Variants in ST8SIA6 observed in about 807,000 individuals in gnomAD.
ST8SIA6 encodes the protein alpha-2,8-sialyltransferase 8F.
Under a neutral mutation model 33.6 loss-of-function variants are expected in ST8SIA6, and 39 were observed. The ratio of observed to expected loss-of-function variants is 1.16; its 90% confidence interval spans 0.90 to 1.52. ST8SIA6 has a LOEUF of 1.52. Among genes scored for constraint, ST8SIA6 ranks in the 40% most tolerant of loss-of-function variants. ST8SIA6 has a pLI of 0.00. For missense variants in ST8SIA6, 441 were observed against 443.8 expected (o/e 0.99, Z 0.06); for synonymous variants, 172 against 167.2 (o/e 1.03, Z -0.22).
intron 2 of ST8SIA6, among the ~76,000 whole-genome samples, chr10:17,436,929 C>T (rs1194537973): frequency 6.6e-6 from 1 of 152,082 alleles, no homozygotes; most frequent in East Asian, 1.9e-4. Flanking sequence ...CCTTTCCAGC[C>T]ACGTGCGACT....
intron 6 of ST8SIA6, among the ~76,000 whole-genome samples, chr10:17,324,945 T>A (rs1228593335): frequency 6.9e-6 from 1 of 145,694 alleles, no homozygotes; most frequent in Non-Finnish European, 1.5e-5. Flanking sequence ...ATATTATACA[T>A]ATATAACACA....
intron 5 of ST8SIA6, among the ~76,000 whole-genome samples, chr10:17,329,052 G>A (rs1848220224): frequency 6.6e-6 from 1 of 152,172 alleles, no homozygotes; most frequent in African/African-American, 2.4e-5. Context: ...GACAGAAGAT[G>A]CCCCAGAATC....
chr10:17,340,510 A>G (rs1050318009), intron 4 of ST8SIA6, among the ~76,000 whole-genome samples: 1 of 152,170 alleles, frequency 6.6e-6, no homozygotes, highest in Non-Finnish European at 1.5e-5. Flanking sequence ...CCAATATGGG[A>G]ATGTCGCAGC....
intron 4 of ST8SIA6, among the ~76,000 whole-genome samples, chr10:17,347,484 T>A (rs1848875660): frequency 6.6e-6 from 1 of 152,162 alleles, no homozygotes; most frequent in Non-Finnish European, 1.5e-5. Flanking sequence ...GTGGTTTTAA[T>A]TCATGCTAAG....
At chr10:17,396,025 T>G (rs945367699) in intron 2 of ST8SIA6, among the ~76,000 whole-genome samples, 4 of 152,190 alleles carry the variant, frequency 2.6e-5, no homozygotes, top group Admixed American at 1.3e-4. Flanking sequence ...CTGCTAGAGC[T>G]CTGTAGTCGG....
rs1440359457 is a variant in ST8SIA6, at chr10:17,319,472, G to A, written c.*1406C>T. ...AGATGTCGAACCAGAAACTTCAGAT[G>A]TGTTAACTTGGAAATGTCTACAATT... is the stretch of plus-strand genomic sequence containing the variant. On this transcript the variant is annotated 3_prime_UTR_variant, in exon 8 of 8. Coordinates refer to ENST00000377602, the MANE Select transcript of ST8SIA6 (RefSeq NM_001004470.3). Among the ~76,000 whole-genome samples the A allele has an allele frequency of 6.6e-6, 1 of 152,100 alleles. No individual in the cohort carries two copies. Among genetic ancestry groups the A allele is most frequent in the Non-Finnish European group, 1.5e-5 (1 of 68,010 alleles).
intron 2 of ST8SIA6, among the ~76,000 whole-genome samples, chr10:17,440,259 T>G (rs1852428174): frequency 6.7e-6 from 1 of 149,488 alleles, no homozygotes; most frequent in Non-Finnish European, 1.5e-5. Context: ...CAGGCTGGAG[T>G]GCAGTGGCAT....
chr10:17,363,389 T>C (rs1849458369), intron 3 of ST8SIA6, among the ~76,000 whole-genome samples: 1 of 152,216 alleles, frequency 6.6e-6, no homozygotes, highest in Admixed American at 6.5e-5. Context: ...GCTCCCTCAA[T>C]AATGATCAAT....
chr10:17,407,773 G>T (rs1851320178), intron 2 of ST8SIA6, among the ~76,000 whole-genome samples: 1 of 152,114 alleles, frequency 6.6e-6, no homozygotes, highest in African/African-American at 2.4e-5. Context: ...GTTCTTAAAA[G>T]TCTCCTGGAT....
chr10:17,333,692 T>TATAG (rs1848383116), intron 4 of ST8SIA6, among the ~76,000 whole-genome samples: 1 of 29,104 alleles, frequency 3.4e-5, no homozygotes, highest in South Asian at 1.1e-3. Flanking sequence ...TATATATATA[T>TATAG]ATATATATAT....
At chr10:17,403,887 C>T (rs61842133) in intron 2 of ST8SIA6, among the ~76,000 whole-genome samples, 6,686 of 151,864 alleles carry the variant, frequency 0.044, 202 homozygotes, top group Non-Finnish European at 0.061. Flanking sequence ...AATGATGAAA[C>T]TCCGTCTCTA....
chr10:17,383,494 C>A (rs1042894012), intron 3 of ST8SIA6, among the ~76,000 whole-genome samples: 1 of 152,146 alleles, frequency 6.6e-6, no homozygotes, highest in South Asian at 2.1e-4. Context: ...CAGTAATAAT[C>A]ATAATTGTTA....
chr10:17,340,638 A>T (rs1848643753), intron 4 of ST8SIA6, among the ~76,000 whole-genome samples: 1 of 152,192 alleles, frequency 6.6e-6, no homozygotes, highest in Non-Finnish European at 1.5e-5. Flanking sequence ...TGCCTTGCTG[A>T]GAAAATTTAT....
At chr10:17,445,257 A>G (rs1467053208) in intron 2 of ST8SIA6, among the ~76,000 whole-genome samples, 1 of 152,242 alleles carries the variant, frequency 6.6e-6, no homozygotes, top group East Asian at 1.9e-4. Flanking sequence ...AAGACAGCAG[A>G]GAGTAAACAG....
intron 2 of ST8SIA6, among the ~76,000 whole-genome samples, chr10:17,449,348 G>A (rs1253062166): frequency 6.6e-6 from 1 of 152,228 alleles, no homozygotes; most frequent in Admixed American, 6.5e-5. Context: ...GAAAAACTTT[G>A]ACAAAGCTTA....
At position 17,406,177 on chromosome 10, in the gene ST8SIA6, CTTCT is replaced by C. The variant is rs1273293840; in HGVS notation, c.201-15561_201-15558del. ...GCAGACAGAAAAGCTCTCTGCCTTC[CTTCT>C]GTTTGCCTAAAAGCAGGGCAGAGAA... On this transcript the variant is annotated intron_variant, in intron 2 of 7. Coordinates refer to ENST00000377602, the MANE Select transcript of ST8SIA6 (RefSeq NM_001004470.3). Among the ~76,000 whole-genome samples the C allele has an allele frequency of 1.3e-4, 20 of 152,272 alleles. No individual in the cohort carries two copies. In the East Asian group the frequency reaches 2.9e-3, roughly 22 times the overall value.
At chr10:17,348,545 G>C (rs1253549545) in intron 4 of ST8SIA6, among the ~76,000 whole-genome samples, 2 of 152,164 alleles carry the variant, frequency 1.3e-5, no homozygotes, top group Non-Finnish European at 2.9e-5. Flanking sequence ...TCTTGCACAG[G>C]TGGAGAAACA....
intron 4 of ST8SIA6, among the ~76,000 whole-genome samples, chr10:17,333,569 G>A (rs1231795138): frequency 6.7e-6 from 1 of 149,112 alleles, no homozygotes; most frequent in African/African-American, 2.5e-5. Context: ...ACAGAACAGA[G>A]GCCTCAGAAA....
At chr10:17,322,602 T>C (rs1847995083) in intron 7 of ST8SIA6, among the ~76,000 whole-genome samples, 1 of 152,214 alleles carries the variant, frequency 6.6e-6, no homozygotes, top group Non-Finnish European at 1.5e-5. Flanking sequence ...CCAACAATTG[T>C]ATGGTAGTTA....
Sources: gnomAD v4.1 joint callset for allele counts (sites outside exome capture counted in the v4.1 genomes callset) on GRCh38, gnomAD v4.1.1 for gene constraint, MANE v1.5 for transcripts, NCBI Gene and HGNC (gene_info 2026-07-23, HGNC 2026-07-21) for gene names.